Variants in MTMR12 observed in about 807,000 individuals in gnomAD.
MTMR12 encodes the protein myotubularin related protein 12.
In MTMR12, 33 loss-of-function variants were observed where a neutral mutation model predicts 96.7. The ratio of observed to expected loss-of-function variants is 0.34; its 90% CI spans 0.26 to 0.46. The LOEUF (loss-of-function observed/expected upper bound fraction) is 0.46, where lower values mean the gene tolerates loss of function less well. Ranked by LOEUF, MTMR12 falls within the 20% of genes least tolerant of loss-of-function variation. The probability of loss-of-function intolerance (pLI) is 1.00; values close to 1 mark genes in which losing one functional copy is unlikely to be tolerated. For synonymous variants in MTMR12, 298 were observed against 327.2 expected (o/e 0.91, Z 0.96); for missense variants, 721 against 896.1 (o/e 0.80, Z 2.49).
chr5:32,251,053 T>C (rs919107576), intron 8 of MTMR12, among the ~76,000 whole-genome samples: 3 of 148,584 alleles, frequency 2.0e-5, no homozygotes, highest in African/African-American at 7.6e-5. Flanking sequence ...AAGGTCCCTC[T>C]CTTTTTTTTT....
intron 13 of MTMR12, among the ~76,000 whole-genome samples, chr5:32,236,464 T>C (rs1748233566): frequency 6.6e-6 from 1 of 152,134 alleles, no homozygotes; most frequent in African/African-American, 2.4e-5. Flanking sequence ...GGAGGATTGC[T>C]TGAGCCCAGG....
chr5:32,247,761 G>A (rs545691535), intron 10 of MTMR12: 1 of 985,422 alleles, frequency 1.0e-6, no homozygotes, highest in South Asian at 4.7e-5. Context: ...TGAGGAAGGG[G>A]AGAAGAGGAG....
At chr5:32,230,801 TCTGAACAA>T (rs1321452560) in intron 15 of MTMR12, among the ~76,000 whole-genome samples, 1 of 152,240 alleles carries the variant, frequency 6.6e-6, no homozygotes, top group Non-Finnish European at 1.5e-5. Flanking sequence ...ACTACAATCT[TCTGAACAA>T]CTGCAAGGAG....
intron 1 of MTMR12, among the ~76,000 whole-genome samples, chr5:32,286,693 A>C (rs1750551632): frequency 2.0e-5 from 3 of 152,308 alleles, no homozygotes; most frequent in Admixed American, 2.0e-4. Flanking sequence ...TTCATTTTAG[A>C]GATGAGGAAA....
chr5:32,308,811 G>A (rs1197820236), intron 1 of MTMR12, among the ~76,000 whole-genome samples: 7 of 151,996 alleles, frequency 4.6e-5, no homozygotes, highest in African/African-American at 1.4e-4. Flanking sequence ...CACCATGTTG[G>A]CCAGGATAGT....
intron 10 of MTMR12, among the ~76,000 whole-genome samples, chr5:32,246,171 T>TTTTTTTTTTTTG (rs1748677270): frequency 2.4e-5 from 3 of 123,496 alleles, no homozygotes; most frequent in African/African-American, 7.8e-5. Flanking sequence ...GAGTAGACAG[T>TTTTTTTTTTTTG]TTTTTTTTTT....
chr5:32,230,685 T>C (rs1318329281), intron 15 of MTMR12, among the ~76,000 whole-genome samples: 1 of 152,238 alleles, frequency 6.6e-6, no homozygotes. Context: ...AAAAAGCTGT[T>C]TAACTTAAGA....
chr5:32,232,205 T>C (rs1175208187), intron 15 of MTMR12, among the ~76,000 whole-genome samples: 1 of 152,152 alleles, frequency 6.6e-6, no homozygotes, highest in Non-Finnish European at 1.5e-5. Flanking sequence ...CAGCACCACA[T>C]GCTGCTCAGC....
rs1212452757 is a variant in MTMR12, at chr5:32,228,596, A to ATGT, written c.*1181_*1182insACA. ...TATATATATCATATATATGTGATAT[A>ATGT]TATATATATATCATATATATGATAT... On this transcript the variant is annotated 3_prime_UTR_variant, in exon 16 of 16. Transcript: ENST00000382142. 4.5e-5 allele frequency: 5 copies of ATGT among 112,258 alleles called. No homozygotes were observed. Among genetic ancestry groups the ATGT allele is most frequent in the African/African-American group, 1.8e-4 (5 of 28,240 alleles). 7.0% of individuals were successfully genotyped at this position (112,258 alleles called of 1,614,324 possible).
chr5:32,310,877 CTT>C (rs58830358), intron 1 of MTMR12, among the ~76,000 whole-genome samples: 13 of 144,868 alleles, frequency 9.0e-5, no homozygotes, highest in East Asian at 2.0e-4. Flanking sequence ...AGATTTCTTT[CTT>C]TTTTTTTTTT....
chr5:32,270,952 A>C lies in MTMR12; in HGVS notation c.359-5T>G. 6.2e-7 allele frequency: 1 copy of C among 1,605,040 alleles called. No homozygotes were observed. ...TTTTCTTTTTCTCATCAAACACTAC[A>C]GATCAGCAATGAAATCAGGAAGGGA... On this transcript the variant is annotated splice_polypyrimidine_tract_variant and splice_region_variant and intron_variant, in intron 4 of 15. Transcript: ENST00000382142.
intron 15 of MTMR12, among the ~76,000 whole-genome samples, chr5:32,232,633 A>AG (rs1414870205): frequency 2.6e-5 from 4 of 152,226 alleles, no homozygotes; most frequent in Non-Finnish European, 4.4e-5. Context: ...TGCAGCCACC[A>AG]GGGGGCACAA....
At chr5:32,309,789 A>G (rs926873409) in intron 1 of MTMR12, 1 of 152,204 alleles carries the variant, frequency 6.6e-6, no homozygotes, top group Non-Finnish European at 1.5e-5. Context: ...TAAATGTTAA[A>G]AAAAAAAAGT....
chr5:32,255,656 A>C (rs760684417), intron 8 of MTMR12, 37 bp downstream of exon 8: 2 of 1,558,186 alleles, frequency 1.3e-6, no homozygotes, highest in East Asian at 4.5e-5. Context: ...AGACCAATGC[A>C]CAACCCACAC....
intron 1 of MTMR12, among the ~76,000 whole-genome samples, chr5:32,283,839 C>T (rs1211660043): frequency 6.6e-6 from 1 of 152,188 alleles, no homozygotes; most frequent in Non-Finnish European, 1.5e-5. Flanking sequence ...GGCTCCTCAA[C>T]ACCTACTGAA....
chr5:32,275,826 CTT>C (rs1449578995), intron 2 of MTMR12, among the ~76,000 whole-genome samples: 1 of 152,046 alleles, frequency 6.6e-6, no homozygotes, highest in Non-Finnish European at 1.5e-5. Flanking sequence ...GAAAAAAAGC[CTT>C]TGACATTTAA....
intron 8 of MTMR12, among the ~76,000 whole-genome samples, 153 bp downstream of exon 8, chr5:32,255,540 C>G (rs16889537): frequency 0.047 from 7,101 of 152,278 alleles, 309 homozygotes; most frequent in African/African-American, 0.11. Context: ...TGACCTTTAA[C>G]AGACTCTTCT....
chr5:32,283,526 C>G (rs796273881), intron 1 of MTMR12, among the ~76,000 whole-genome samples: 14 of 152,284 alleles, frequency 9.2e-5, no homozygotes, highest in African/African-American at 3.4e-4. Flanking sequence ...GTATGTGGCA[C>G]AGGTGAAAGT....
At chr5:32,265,309 T>C (rs1749546619) in intron 6 of MTMR12, among the ~76,000 whole-genome samples, 1 of 152,172 alleles carries the variant, frequency 6.6e-6, no homozygotes, top group South Asian at 2.1e-4. Context: ...ATGCTATTAA[T>C]ACATATCCTG....
Sources: gnomAD v4.1 joint callset for allele counts (sites outside exome capture counted in the v4.1 genomes callset) on GRCh38, gnomAD v4.1.1 for gene constraint, MANE v1.5 for transcripts, NCBI Gene and HGNC (gene_info 2026-07-23, HGNC 2026-07-21) for gene names.